The following MGAT5 variants were observed in gnomAD, a reference collection of about 807,000 sequenced individuals.
MGAT5 encodes the protein alpha-1,6-mannosylglycoprotein 6-beta-N-acetylglucosaminyltransferase A.
Under a neutral mutation model 94.3 loss-of-function variants are expected in MGAT5, and 30 were observed. That is an observed-to-expected ratio of 0.32 (90% CI 0.24 to 0.43). The LOEUF (loss-of-function observed/expected upper bound fraction) is 0.43. Among genes scored for constraint, MGAT5 ranks in the 20% least tolerant of loss-of-function variants. The pLI, the probability that MGAT5 is intolerant of heterozygous loss-of-function variation, is 1.00. For missense variants in MGAT5, 691 were observed against 905.5 expected (o/e 0.76, Z 3.04); for synonymous variants, 310 against 322.9 (o/e 0.96, Z 0.43).
At chr2:134,183,267 T>C in intron 1 of MGAT5, among the ~76,000 whole-genome samples, 1 of 152,210 alleles carries the variant, frequency 6.6e-6, no homozygotes, top group East Asian at 1.9e-4. Context: ...GTAAAATTAA[T>C]ACGGTTGCTT....
At chr2:134,377,786 C>G (rs1380811439) in intron 10 of MGAT5, among the ~76,000 whole-genome samples, 1 of 152,090 alleles carries the variant, frequency 6.6e-6, no homozygotes, top group Admixed American at 6.5e-5. Context: ...AGTACTTTTT[C>G]CTCACCTGTT....
At chr2:134,129,906 G>C (rs1252719306) in intron 1 of MGAT5, among the ~76,000 whole-genome samples, 1 of 152,192 alleles carries the variant, frequency 6.6e-6, no homozygotes, top group Non-Finnish European at 1.5e-5. Flanking sequence ...GGCTGAGACC[G>C]CAGCCGGCTC....
intron 1 of MGAT5, among the ~76,000 whole-genome samples, chr2:134,239,767 A>G (rs748804261): frequency 6.6e-6 from 1 of 151,960 alleles, no homozygotes; most frequent in Admixed American, 6.6e-5. Context: ...CTTTTTGTTT[A>G]TAATTATGAT....
At chr2:134,154,549 G>A (rs1186131518) in intron 1 of MGAT5, among the ~76,000 whole-genome samples, 1 of 152,218 alleles carries the variant, frequency 6.6e-6, no homozygotes, top group Non-Finnish European at 1.5e-5. Context: ...GCACGGAGCT[G>A]TCAGTGGTTT....
chr2:134,222,119 A>G (rs1184035783), intron 1 of MGAT5, among the ~76,000 whole-genome samples: 2 of 149,570 alleles, frequency 1.3e-5, no homozygotes, highest in South Asian at 2.1e-4. Flanking sequence ...AAGAGGTGAG[A>G]TGGAGTCAGG....
intron 1 of MGAT5, among the ~76,000 whole-genome samples, chr2:134,182,780 G>GTTTTTTTTTTT (rs5834402): frequency 1.1e-5 from 1 of 87,052 alleles, no homozygotes; most frequent in Non-Finnish European, 2.2e-5. Flanking sequence ...TAGAAGATTA[G>GTTTTTTTTTTT]TTTTTTTTTT....
At chr2:134,424,081 A>C (rs1486402981) in intron 13 of MGAT5, among the ~76,000 whole-genome samples, 6 of 152,222 alleles carry the variant, frequency 3.9e-5, no homozygotes, top group African/African-American at 1.4e-4. Flanking sequence ...CTTTCTGGAG[A>C]ATGCAGCCTT....
intron 1 of MGAT5, among the ~76,000 whole-genome samples, chr2:134,257,836 C>CTTTTTTTTTTT (rs10628858): frequency 2.8e-5 from 3 of 106,414 alleles, no homozygotes; most frequent in African/African-American, 1.1e-4. Context: ...TTTGCAGTCT[C>CTTTTTTTTTTT]TTTTTTTTTT....
chr2:134,308,619 A>G (rs140582028), intron 2 of MGAT5, among the ~76,000 whole-genome samples: 262 of 152,320 alleles, frequency 1.7e-3, no homozygotes, highest in Non-Finnish European at 3.1e-3. Context: ...ATCATGACAA[A>G]TGCTCTAATT....
chr2:134,389,518 C>CAG (rs1343361564), intron 10 of MGAT5, among the ~76,000 whole-genome samples: 1 of 152,156 alleles, frequency 6.6e-6, no homozygotes, highest in Non-Finnish European at 1.5e-5. Context: ...TATGCTTTCC[C>CAG]AGCTGAACTA....
intron 1 of MGAT5, among the ~76,000 whole-genome samples, chr2:134,263,931 T>C (rs190504523): frequency 3.6e-4 from 54 of 151,936 alleles, no homozygotes; most frequent in African/African-American, 1.2e-3. Flanking sequence ...AAAAAAGTGA[T>C]ACGTACATGT....
chr2:134,338,712 C>T (rs1688469839), intron 6 of MGAT5, among the ~76,000 whole-genome samples: 2 of 152,124 alleles, frequency 1.3e-5, no homozygotes, highest in Non-Finnish European at 2.9e-5. Flanking sequence ...CCCCCATTTC[C>T]TTACCTGAAT....
intron 10 of MGAT5, among the ~76,000 whole-genome samples, chr2:134,393,731 A>G (rs2106260359): frequency 6.6e-6 from 1 of 152,302 alleles, no homozygotes; most frequent in South Asian, 2.1e-4. Flanking sequence ...TTAAGCACTG[A>G]GTGAAATTGT....
intron 12 of MGAT5, among the ~76,000 whole-genome samples, chr2:134,417,512 C>A (rs1684048556): frequency 6.6e-6 from 1 of 152,162 alleles, no homozygotes; most frequent in Non-Finnish European, 1.5e-5. Flanking sequence ...CACAGGTTAG[C>A]TTTTTGTACA....
intron 14 of MGAT5, among the ~76,000 whole-genome samples, chr2:134,436,741 G>A (rs1382548978): frequency 6.6e-6 from 1 of 152,162 alleles, no homozygotes; most frequent in Admixed American, 6.5e-5. Context: ...GCTAACAGGT[G>A]GAAAAGGAGC....
chr2:134,361,870 C>T (rs767545915), intron 9 of MGAT5, among the ~76,000 whole-genome samples: 4 of 152,158 alleles, frequency 2.6e-5, no homozygotes, highest in Non-Finnish European at 5.9e-5. Flanking sequence ...GGGGACTCTG[C>T]GCCTATTCAG....
chr2:134,187,699 G>A (rs1689115858), intron 1 of MGAT5, among the ~76,000 whole-genome samples: 1 of 149,850 alleles, frequency 6.7e-6, no homozygotes, highest in Non-Finnish European at 1.5e-5. Flanking sequence ...CTAGAATGTT[G>A]CTGCAGGCAG....
At position 134,312,823 on chromosome 2, in the gene MGAT5, A is replaced by G. The variant is rs1006571172; in HGVS notation, c.407-4706A>G. On this transcript the variant is annotated intron_variant, in intron 2 of 15. Transcript: ENST00000281923. ...GAGGATTTTAAAGGCTTTCCTTTTC[A>G]GACTGTCAGATGAGGTAACCATCTT... is the stretch of plus-strand genomic sequence containing the variant. Among the ~76,000 whole-genome samples the G allele has an allele frequency of 2.6e-5, 4 of 152,270 alleles. No homozygotes were observed. The East Asian group carries it at 7.7e-4, about 29-fold the overall frequency.
chr2:134,246,592 T>C (rs1211528395), intron 1 of MGAT5, among the ~76,000 whole-genome samples: 1 of 152,238 alleles, frequency 6.6e-6, no homozygotes, highest in Non-Finnish European at 1.5e-5. Flanking sequence ...CATGTGTTGA[T>C]TCAACCCTTG....
Sources: gnomAD v4.1 joint callset for allele counts (sites outside exome capture counted in the v4.1 genomes callset) on GRCh38, gnomAD v4.1.1 for gene constraint, MANE v1.5 for transcripts, NCBI Gene and HGNC (gene_info 2026-07-23, HGNC 2026-07-21) for gene names.